CDH13: variants seen among roughly 807,000 people sequenced by gnomAD.
CDH13 encodes cadherin 13.
Under a neutral mutation model 63.8 loss-of-function variants are expected in CDH13, and 24 were observed. The observed-to-expected ratio is 0.38, with a 90% CI of 0.27 to 0.53. CDH13 has a LOEUF of 0.53. Among genes scored for constraint, CDH13 ranks in the 20% least tolerant of loss-of-function variants. CDH13 has a pLI of 0.85. For synonymous variants in CDH13, 503 were observed against 355.3 expected (o/e 1.42, Z -4.67); for missense variants, 1,049 against 903.1 (o/e 1.16, Z -2.07).
chr16:83,778,219 T>A (rs986274197), intron 11 of CDH13, among the ~76,000 whole-genome samples: 2 of 152,244 alleles, frequency 1.3e-5, no homozygotes, highest in Admixed American at 6.5e-5. Context: ...ATTAACATTG[T>A]TTAATGTTTA....
At chr16:83,750,905 T>G (rs1873875354) in intron 11 of CDH13, among the ~76,000 whole-genome samples, 1 of 152,110 alleles carries the variant, frequency 6.6e-6, no homozygotes, top group African/African-American at 2.4e-5. Context: ...AATGCAAGAT[T>G]TAATGGAGTC....
At chr16:83,765,678 G>C (rs190869448) in intron 11 of CDH13, among the ~76,000 whole-genome samples, 2 of 152,170 alleles carry the variant, frequency 1.3e-5, no homozygotes, top group East Asian at 3.9e-4. Context: ...TTATAGAGCT[G>C]ATTTGTAAAA....
intron 5 of CDH13, among the ~76,000 whole-genome samples, chr16:83,231,998 A>C (rs961234632): frequency 1.3e-5 from 2 of 151,964 alleles, no homozygotes; most frequent in African/African-American, 2.4e-5. Flanking sequence ...GTTCTAACTT[A>C]TAAGTGGGAG....
At chr16:83,517,404 G>T (rs1467787183) in intron 7 of CDH13, among the ~76,000 whole-genome samples, 1 of 152,222 alleles carries the variant, frequency 6.6e-6, no homozygotes, top group Non-Finnish European at 1.5e-5. Context: ...TGGGTCTGCT[G>T]GGGAGCTCTG....
At chr16:82,636,606 G>T (rs528363167) in intron 1 of CDH13, among the ~76,000 whole-genome samples, 1 of 152,324 alleles carries the variant, frequency 6.6e-6, no homozygotes, top group East Asian at 1.9e-4. Flanking sequence ...CTTTGCCAAT[G>T]CTAACAAGCC....
At chr16:83,202,949 G>A (rs1199499408) in intron 4 of CDH13, among the ~76,000 whole-genome samples, 1 of 152,212 alleles carries the variant, frequency 6.6e-6, no homozygotes, top group Non-Finnish European at 1.5e-5. Context: ...TTTGGGGCCA[G>A]GTACAGTGGC....
At chr16:82,647,890 CCAT>C (rs2150901795) in intron 1 of CDH13, among the ~76,000 whole-genome samples, 1 of 152,274 alleles carries the variant, frequency 6.6e-6, no homozygotes, top group Non-Finnish European at 1.5e-5. Context: ...CCCATAGTCC[CCAT>C]GTGTCATGGG....
intron 1 of CDH13, among the ~76,000 whole-genome samples, chr16:82,796,557 G>A (rs752700481): frequency 1.6e-4 from 24 of 152,166 alleles, no homozygotes; most frequent in Non-Finnish European, 3.1e-4. Context: ...TTCCCAGGAG[G>A]TGTCTTTTTA....
rs2032259325 is a variant in CDH13, at chr16:82,714,979, T to A, written c.45+87842T>A. On this transcript the variant is annotated intron_variant, in intron 1 of 13. Transcript: ENST00000567109. ...CTCTTGTTTTACACCAGCCAGTGTG[T>A]GATACTTTGTTCCAGCATCCGTAGG... Among the ~76,000 whole-genome samples, 8 of 132,818 alleles carry A rather than the reference T, an allele frequency of 6.0e-5. 1 individual carries two copies. 87.1% of individuals were successfully genotyped at this position (132,818 alleles called of 152,430 possible).
intron 1 of CDH13, among the ~76,000 whole-genome samples, chr16:82,649,288 A>C (rs1422477157): frequency 6.6e-6 from 1 of 152,148 alleles, no homozygotes; most frequent in Non-Finnish European, 1.5e-5. Context: ...AGGATAGATG[A>C]TGGATGGAAG....
chr16:83,647,153 A>G (rs906190761), intron 8 of CDH13, among the ~76,000 whole-genome samples: 1 of 151,764 alleles, frequency 6.6e-6, no homozygotes, highest in African/African-American at 2.4e-5. Context: ...TACTAAAAAC[A>G]CAAAAAATTA....
chr16:83,377,822 T>C (rs2091485643), intron 6 of CDH13, among the ~76,000 whole-genome samples: 1 of 152,156 alleles, frequency 6.6e-6, no homozygotes, highest in Admixed American at 6.5e-5. Flanking sequence ...TCTGGTGTTA[T>C]CTGGTAGAAA....
intron 6 of CDH13, among the ~76,000 whole-genome samples, chr16:83,476,431 G>C (rs1309340303): frequency 1.3e-5 from 2 of 152,240 alleles, no homozygotes; most frequent in Non-Finnish European, 2.9e-5. Flanking sequence ...CCAGCACTTT[G>C]AGAGGCCAAG....
intron 6 of CDH13, among the ~76,000 whole-genome samples, chr16:83,350,848 G>T (rs951724599): frequency 6.6e-6 from 1 of 152,122 alleles, no homozygotes; most frequent in Non-Finnish European, 1.5e-5. Flanking sequence ...TTTCCTCCAG[G>T]ATCCACCTGA....
intron 1 of CDH13, among the ~76,000 whole-genome samples, chr16:82,628,128 G>A (rs1300801971): frequency 6.6e-6 from 1 of 152,190 alleles, no homozygotes; most frequent in Non-Finnish European, 1.5e-5. Context: ...GCCGCTGCGG[G>A]GGGCACGCCC....
chr16:83,376,348 G>C (rs907253645), intron 6 of CDH13, among the ~76,000 whole-genome samples: 1 of 152,196 alleles, frequency 6.6e-6, no homozygotes, highest in African/African-American at 2.4e-5. Context: ...TGGGGGAAAG[G>C]TGATACCAGC....
chr16:82,702,713 T>G (rs78118864), intron 1 of CDH13, among the ~76,000 whole-genome samples: 370 of 152,264 alleles, frequency 2.4e-3, no homozygotes, highest in Non-Finnish European at 4.1e-3. Context: ...AGAAAATTTG[T>G]GAATATAAAA....
chr16:83,788,542 A>T (rs150006092), intron 13 of CDH13, among the ~76,000 whole-genome samples: 1 of 151,584 alleles, frequency 6.6e-6, no homozygotes, highest in East Asian at 1.9e-4. Context: ...TGTGGTCCTC[A>T]CTTTGAGACT....
At chr16:83,456,011 T>C (rs2073016068) in intron 6 of CDH13, among the ~76,000 whole-genome samples, 2 of 152,262 alleles carry the variant, frequency 1.3e-5, no homozygotes, top group African/African-American at 2.4e-5. Context: ...GCTGTTACCC[T>C]GCTGTCTGTC....
Sources: allele counts gnomAD v4.1 joint callset (sites outside exome capture counted in the v4.1 genomes callset), GRCh38; gene constraint gnomAD v4.1.1; transcripts MANE v1.5; gene names NCBI Gene and HGNC (gene_info 2026-07-23, HGNC 2026-07-21).